MAP3K20: variants seen among roughly 807,000 people sequenced by gnomAD.
MAP3K20 encodes HCCS-4.
Under a neutral mutation model 85.7 loss-of-function variants are expected in MAP3K20, and 40 were observed. That is an observed-to-expected ratio of 0.47 (90% CI 0.36 to 0.61). MAP3K20 has a LOEUF of 0.61. Among genes scored for constraint, MAP3K20 ranks in the 20% least tolerant of loss-of-function variants. The pLI is 0.00. For missense variants in MAP3K20, 817 were observed against 961.7 expected, an observed-to-expected ratio of 0.85 and a Z score of 1.99; for synonymous variants, 325 against 327.7, an observed-to-expected ratio of 0.99 and a Z score of 0.09.
At chr2:173,261,651 A>G (rs1319826302) in intron 18 of MAP3K20, among the ~76,000 whole-genome samples, 1 of 152,190 alleles carries the variant, frequency 6.6e-6, no homozygotes, top group Non-Finnish European at 1.5e-5. Context: ...TTTATTAAGG[A>G]TCTACCATGA....
chr2:173,160,387 GTTTTCCA>G (rs1384847780), intron 2 of MAP3K20: 2 of 152,080 alleles, frequency 1.3e-5, no homozygotes, highest in East Asian at 3.9e-4. Flanking sequence ...AGAAAGGCTG[GTTTTCCA>G]TCTTGTCATA....
chr2:173,202,538 AC>A (rs1281791470), intron 8 of MAP3K20, among the ~76,000 whole-genome samples: 3 of 152,202 alleles, frequency 2.0e-5, no homozygotes, highest in African/African-American at 7.2e-5. Flanking sequence ...TATGTTAACA[AC>A]CCCTTACACT....
chr2:173,214,290 G>A (rs889433906), intron 10 of MAP3K20: 3 of 152,126 alleles, frequency 2.0e-5, no homozygotes, highest in African/African-American at 4.8e-5. Flanking sequence ...TAGCAATAAT[G>A]GCAATGAGCA....
In MAP3K20 at chr2:173,179,021, TA is replaced by T. The variant is rs201824119; in HGVS notation, c.248-3829del. Among the ~76,000 whole-genome samples the T allele has an allele frequency of 5.9e-5, 9 of 152,264 alleles. 1 individual carries two copies. In the East Asian group the frequency reaches 1.5e-3, roughly 26 times the overall value. On this transcript the variant is annotated intron_variant, in intron 3 of 19. Transcript: ENST00000375213. Reference sequence around the variant, plus strand: ...CAATGTAAGGTACCATAATAAACAATAAAATCATAGAAGATAAAAACCCTAT... The same window carrying T: ...CAATGTAAGGTACCATAATAAACAATAAATCATAGAAGATAAAAACCCTAT...
intron 10 of MAP3K20, chr2:173,212,967 C>A (rs1683956831): frequency 6.6e-6 from 1 of 152,034 alleles, no homozygotes; most frequent in Non-Finnish European, 1.5e-5. Context: ...AGAATATGAT[C>A]ATTCCTAAAA....
intron 5 of MAP3K20, among the ~76,000 whole-genome samples, chr2:173,188,997 A>G (rs1025968464): frequency 1.3e-5 from 2 of 152,218 alleles, no homozygotes; most frequent in Admixed American, 6.5e-5. Flanking sequence ...TATGAAGACT[A>G]TATAACAATG....
At chr2:173,224,681 C>T (rs755813492) in intron 11 of MAP3K20, 357 of 985,202 alleles carry the variant, frequency 3.6e-4, no homozygotes, top group Non-Finnish European at 3.9e-4. Flanking sequence ...TACCACGTGA[C>T]GTTGGCTCTA....
chr2:173,178,463 G>A (rs1035428405), intron 3 of MAP3K20, among the ~76,000 whole-genome samples: 1 of 152,060 alleles, frequency 6.6e-6, no homozygotes, highest in Non-Finnish European at 1.5e-5. Context: ...GGCCATCATA[G>A]CGAAACCCCA....
Position 173,209,809 on chromosome 2 carries a change from A to T in MAP3K20, c.825A>T (p.Ser275=). 6.2e-7 allele frequency: 1 copy of T among 1,614,188 alleles called. No individual in the cohort carries two copies. The highest frequency in any genetic ancestry group is 8.5e-7 in the Non-Finnish European group (1 of 1,180,008). The part of the protein sequence containing the change: ...NDTSLPDKCN[S]FLHNKAEWRC... The stretch of plus-strand genomic sequence containing the variant: ...CGAGCCTTCCTGACAAGTGTAACTC[A>T]TTCCTACACAACAAGGCGGAGTGGA... Residue 275 remains serine (S), a synonymous_variant, in exon 10 of 20, where the codon TCA becomes TCT. Transcript: ENST00000375213.
intron 17 of MAP3K20, 28 bp downstream of exon 17, chr2:173,258,843 T>A: frequency 7.3e-7 from 1 of 1,372,872 alleles, no homozygotes; most frequent in Non-Finnish European, 1.0e-6. Context: ...GCTTAAAAGC[T>A]CTTTTGAATT....
chr2:173,198,957 G>A lies in MAP3K20; in HGVS notation c.669+845G>A, dbSNP rs1480809084. The A allele has an allele frequency of 6.6e-6, 1 of 152,504 alleles. No individual in the cohort carries two copies. Among genetic ancestry groups the A allele is most frequent in the African/African-American group, 2.4e-5 (1 of 41,450 alleles). 9.4% of individuals were successfully genotyped at this position (152,504 alleles called of 1,614,324 possible). On this transcript the variant is annotated intron_variant, in intron 8 of 19. Coordinates refer to ENST00000375213, the MANE Select transcript of MAP3K20 (RefSeq NM_016653.3). The surrounding 1 kb of genome is among the most constrained non-coding windows in gnomAD (Gnocchi z 5.8). Reference sequence around the variant, plus strand: ...GAAGCATCCAATATCAAGGTATTATGAGAACTTAGATCATGTAATGGAAGC... The same window carrying A: ...GAAGCATCCAATATCAAGGTATTATAAGAACTTAGATCATGTAATGGAAGC...
intron 2 of MAP3K20, among the ~76,000 whole-genome samples, chr2:173,125,156 G>A (rs1381422749): frequency 1.3e-5 from 2 of 152,190 alleles, no homozygotes; most frequent in Admixed American, 6.5e-5. Context: ...TTCTGAGAAG[G>A]AATGGGTATA....
chr2:173,145,030 A>G (rs945297577), intron 2 of MAP3K20, among the ~76,000 whole-genome samples: 3 of 152,304 alleles, frequency 2.0e-5, no homozygotes, highest in Admixed American at 1.3e-4. Context: ...TAGGATATGC[A>G]TATGAAAAAA....
intron 16 of MAP3K20, among the ~76,000 whole-genome samples, chr2:173,243,389 A>G (rs549339932): frequency 1.3e-5 from 2 of 152,310 alleles, no homozygotes; most frequent in East Asian, 3.9e-4. Flanking sequence ...GCAAAAGCTC[A>G]AAAGCATGAA....
chr2:173,128,372 G>C (rs1399192351), intron 2 of MAP3K20, among the ~76,000 whole-genome samples: 1 of 150,976 alleles, frequency 6.6e-6, no homozygotes, highest in Non-Finnish European at 1.5e-5. Context: ...TCGCTCTGTT[G>C]CTCAGGCTGG....
chr2:173,203,458 A>T (rs1683561047), intron 8 of MAP3K20, among the ~76,000 whole-genome samples: 1 of 152,184 alleles, frequency 6.6e-6, no homozygotes, highest in Non-Finnish European at 1.5e-5. Flanking sequence ...TTGCCTATAA[A>T]CATACAGTGA....
At chr2:173,094,329 TG>T (rs1687395760) in intron 2 of MAP3K20, among the ~76,000 whole-genome samples, 1 of 152,158 alleles carries the variant, frequency 6.6e-6, no homozygotes, top group South Asian at 2.1e-4. Flanking sequence ...ACATTACAGA[TG>T]CCATGTACCT....
chr2:173,239,196 G>C (rs1386271110), intron 15 of MAP3K20, among the ~76,000 whole-genome samples: 1 of 151,902 alleles, frequency 6.6e-6, no homozygotes, highest in Non-Finnish European at 1.5e-5. Context: ...TGAACTGCAT[G>C]AAATAAATCA....
At chr2:173,166,423 G>A (rs887586464) in intron 2 of MAP3K20, 1 of 152,122 alleles carries the variant, frequency 6.6e-6, no homozygotes, top group African/African-American at 2.4e-5. Context: ...TGACTCCCTA[G>A]AAAAGCATTT....
Sources: allele counts gnomAD v4.1 joint callset (sites outside exome capture counted in the v4.1 genomes callset), GRCh38; gene constraint gnomAD v4.1.1; non-coding constraint Gnocchi (gnomAD v3.1); transcripts MANE v1.5; gene names NCBI Gene and HGNC (gene_info 2026-07-23, HGNC 2026-07-21).